Variants in DDX11 observed in about 807,000 individuals in gnomAD.
DDX11 encodes ATP-dependent DNA helicase DDX11.
Under a neutral mutation model 125.2 loss-of-function variants are expected in DDX11, and 72 were observed. That is an observed-to-expected ratio of 0.58 (90% CI 0.48 to 0.70). The LOEUF (loss-of-function observed/expected upper bound fraction) is 0.70. DDX11 is among the 30% of genes least tolerant of loss of function. The pLI, the probability that DDX11 is intolerant of heterozygous loss-of-function variation, is 0.00. For missense variants in DDX11, 883 were observed against 1,165.0 expected (o/e 0.76, Z 3.52); for synonymous variants, 347 against 452.6 (o/e 0.77, Z 2.96).
rs144655713 is a variant in DDX11 at position 31,085,375 on chromosome 12, C to T, written c.638+249C>T. On this transcript the variant is annotated intron_variant, in intron 5 of 26. Transcript: ENST00000542838. ...GGCAGGGCAGGAACATTTGTGTCTG[C>T]GCCTTATACACAAGGAGGCTGCAGC... Among the ~76,000 whole-genome samples, 587 of 152,344 alleles carry T rather than the reference C, an allele frequency of 3.9e-3. 6 individuals are homozygous for T. The highest frequency in any genetic ancestry group is 0.013 in the African/African-American group (557 of 41,582).
intron 23 of DDX11, 29 bp downstream of exon 23, chr12:31,102,556 G>C (rs1469950994): frequency 6.2e-7 from 1 of 1,603,294 alleles, no homozygotes; most frequent in Non-Finnish European, 8.5e-7. Flanking sequence ...CGTCTCCTGG[G>C]CCGTGATACA....
At chr12:31,098,868 AGC>A (rs1446986068) in intron 18 of DDX11, among the ~76,000 whole-genome samples, 3 of 152,010 alleles carry the variant, frequency 2.0e-5, no homozygotes, top group African/African-American at 7.3e-5. Flanking sequence ...TCTCGCCTCC[AGC>A]ACAGCAGAAT....
chr12:31,098,876 A>G (rs12579218), intron 18 of DDX11, among the ~76,000 whole-genome samples: 62,103 of 151,472 alleles, frequency 0.41, 13,600 homozygotes, highest in East Asian at 0.59. Context: ...CCAGCACAGC[A>G]GAATGTCATG....
At position 31,102,509 on chromosome 12, in the gene DDX11, T is replaced by C; in HGVS notation, c.2354T>C (p.Phe785Ser). ...GGAAAGATGAGTGAAGGGATCAACT[T>C]CTCTGACAACCTAGGCCGGTAAGTA... ...VGGKMSEGIN[F>S]SDNLGRCVVM... The change falls in exon 23 of 27, where the codon TTC becomes TCC. Residue 785 changes from phenylalanine to serine, a missense_variant. This residue lies in a region of DDX11 where 285 missense variants were observed against 346.0 expected (regional missense o/e 0.82). Transcript: ENST00000542838. 1.2e-6 allele frequency: 2 copies of C among 1,613,784 alleles called. No homozygotes were observed. The highest frequency in any genetic ancestry group is 1.7e-6 in the Non-Finnish European group (2 of 1,179,718).
At chr12:31,088,882 G>A (rs977113879) in intron 6 of DDX11, among the ~76,000 whole-genome samples, 162 bp from the exon 7 acceptor site, 12 of 152,258 alleles carry the variant, frequency 7.9e-5, no homozygotes, top group Non-Finnish European at 2.9e-5. Flanking sequence ...TGGGTCCCTC[G>A]ATAGATGCCT....
chr12:31,081,543 A>G (rs1278359293), intron 2 of DDX11, among the ~76,000 whole-genome samples: 1 of 151,472 alleles, frequency 6.6e-6, no homozygotes, highest in African/African-American at 2.4e-5. Context: ...CCTGGAATGC[A>G]TGCTTTGCGG....
chr12:31,085,125 A>C lies in DDX11; in HGVS notation c.637A>C (p.Arg213=). Residue 213 remains arginine, a splice_region_variant and synonymous_variant, in exon 5 of 27, where the codon AGA becomes CGA. Transcript: ENST00000542838. The part of the protein sequence containing the change: ...ESDEEKKVAS[R]VDEDEDDLEE... ...TGATGAGGAGAAAAAGGTGGCGAGC[A>C]GGTGAGACAGAGGCGGTAGCACTAC... 6.7e-7 allele frequency: 1 copy of C among 1,490,824 alleles called. No individual in the cohort carries two copies. Among genetic ancestry groups the C allele is most frequent in the South Asian group, 1.2e-5 (1 of 83,184 alleles). 92.3% of individuals were successfully genotyped at this position (1,490,824 alleles called of 1,614,324 possible).
intron 10 of DDX11, 147 bp from the exon 11 acceptor site, chr12:31,092,699 C>T: frequency 1.2e-6 from 1 of 821,746 alleles, no homozygotes; most frequent in Non-Finnish European, 2.1e-6. Context: ...CTGTGGAAAC[C>T]CGTACCTTTT....
chr12:31,103,699 A>G lies in DDX11; in HGVS notation c.2659A>G (p.Thr887Ala), dbSNP rs775070156. 5 of 1,613,588 alleles carry G rather than the reference A, an allele frequency of 3.1e-6. No individual in the cohort carries two copies. The highest frequency in any genetic ancestry group is 3.4e-6 in the Non-Finnish European group (4 of 1,179,942). ...WIRARVEVKA[T>A]FGPAIAAVQK... Reference sequence around the variant, plus strand: ...CCGAGCCCGTGTGGAGGTCAAAGCTACCTTTGGCCCCGCCATTGCTGCTGT... The same window carrying G: ...CCGAGCCCGTGTGGAGGTCAAAGCTGCCTTTGGCCCCGCCATTGCTGCTGT... Residue 887 changes from threonine to alanine, a missense_variant, in exon 26 of 27, where the codon ACC (threonine) becomes GCC (alanine). By Grantham distance (58) the Thr-to-Ala change is moderately conservative. Transcript: ENST00000542838.
intron 4 of DDX11, 66 bp downstream of exon 4, chr12:31,084,735 G>A: frequency 6.8e-7 from 1 of 1,472,076 alleles, no homozygotes; most frequent in Non-Finnish European, 9.3e-7. Flanking sequence ...GAGGCTCATG[G>A]GTGCGTGGTC....
intron 7 of DDX11, 63 bp downstream of exon 7, chr12:31,089,214 G>A (rs772665292): frequency 1.3e-6 from 2 of 1,490,726 alleles, no homozygotes; most frequent in Non-Finnish European, 1.9e-6. Context: ...ACTTTGTCCT[G>A]CTCGTCCAGG....
intron 25 of DDX11, 77 bp downstream of exon 25, chr12:31,103,472 C>T (rs1946763150): frequency 1.2e-6 from 2 of 1,603,220 alleles, no homozygotes; most frequent in African/African-American, 2.7e-5. Context: ...GGTTGCCTGC[C>T]CTGTTTCCTA....
At chr12:31,094,379 T>C (rs1944842159) in intron 12 of DDX11, 2 of 692,662 alleles carry the variant, frequency 2.9e-6, no homozygotes, top group African/African-American at 3.7e-5. Context: ...GGGTTCCACG[T>C]GCAAGCACGT....
chr12:31,102,572 G>A (rs201717425), intron 23 of DDX11, 45 bp downstream of exon 23: 28 of 1,558,346 alleles, frequency 1.8e-5, no homozygotes, highest in East Asian at 4.5e-5. Context: ...ATACATGGCC[G>A]GCCCTCACTC....
At chr12:31,082,315 TTG>T (rs1369575156) in intron 2 of DDX11, among the ~76,000 whole-genome samples, 2 of 151,534 alleles carry the variant, frequency 1.3e-5, no homozygotes, top group African/African-American at 4.9e-5. Flanking sequence ...ATTTGGCCTT[TTG>T]TGTGTGTTAA....
intron 2 of DDX11, among the ~76,000 whole-genome samples, chr12:31,079,322 CCTGT>C (rs1307179542): frequency 6.8e-6 from 1 of 147,202 alleles, no homozygotes; most frequent in African/African-American, 2.6e-5. Flanking sequence ...ACAGATAACT[CCTGT>C]CTTAGTCGGC....
rs2911819 is a variant in DDX11, at chr12:31,100,344, T to C, written c.1876-291T>C. On this transcript the variant is annotated intron_variant, in intron 18 of 26. Coordinates refer to ENST00000542838, the MANE Select transcript of DDX11 (RefSeq NM_030653.4). ...AGTAGTTTGGGCTGGGGCCTGGCCATGTGTATTTTTGAAAATTTTCGCTGG... is the reference window on the plus strand; with the variant it reads ...AGTAGTTTGGGCTGGGGCCTGGCCACGTGTATTTTTGAAAATTTTCGCTGG... The C allele has an allele frequency of 4.2e-5, 13 of 307,654 alleles. No individual in the cohort carries two copies. In the East Asian group the frequency reaches 6.3e-4, roughly 15 times the overall value. 19.1% of individuals were successfully genotyped at this position (307,654 alleles called of 1,614,324 possible). A position where few individuals can be genotyped will look rare whatever the true frequency, so the allele number is the denominator to read the frequency against.
At chr12:31,083,326 CAA>C (rs1198675302) in intron 2 of DDX11, among the ~76,000 whole-genome samples, 1 of 135,564 alleles carries the variant, frequency 7.4e-6, no homozygotes. Context: ...AAAAAAAAAA[CAA>C]AACAAAACAC....
intron 19 of DDX11, 72 bp from the exon 20 acceptor site, chr12:31,100,955 A>C: frequency 7.2e-7 from 1 of 1,391,378 alleles, no homozygotes; most frequent in Non-Finnish European, 1.0e-6. Flanking sequence ...TGGGGCAGGG[A>C]AATGCCCTCT....
Sources: gnomAD v4.1 joint callset for allele counts (sites outside exome capture counted in the v4.1 genomes callset) on GRCh38, gnomAD v4.1.1 for gene constraint, gnomAD v4.1.1 regional missense constraint, MANE v1.5 for transcripts, NCBI Gene and HGNC (gene_info 2026-07-23, HGNC 2026-07-21) for gene names.